The following MITF variants were observed in gnomAD, a reference collection of about 807,000 sequenced individuals.
MITF encodes the protein microphthalmia-associated transcription factor.
MITF carries 17 observed loss-of-function variants against 60.5 expected under a neutral mutation model. The ratio of observed to expected loss-of-function variants is 0.28; its 90% confidence interval spans 0.19 to 0.42. MITF has a LOEUF of 0.42. Among genes scored for constraint, MITF ranks in the 10% least tolerant of loss-of-function variants. MITF has a pLI of 1.00. For synonymous variants in MITF, 260 were observed against 248.5 expected (o/e 1.05, Z -0.43); for missense variants, 622 against 683.5 (o/e 0.91, Z 1.00).
intron 1 of MITF, among the ~76,000 whole-genome samples, chr3:69,866,001 C>G (rs559917482): frequency 1.3e-5 from 2 of 152,318 alleles, no homozygotes; most frequent in South Asian, 4.1e-4. Flanking sequence ...ATAAGCTTCC[C>G]GAGGTGCTTG....
At chr3:69,884,558 G>A (rs1368573131) in intron 2 of MITF, among the ~76,000 whole-genome samples, 1 of 152,094 alleles carries the variant, frequency 6.6e-6, no homozygotes, top group African/African-American at 2.4e-5. Context: ...AGCTTGCACG[G>A]CACTGAGTGG....
intron 1 of MITF, among the ~76,000 whole-genome samples, chr3:69,845,438 C>CTTTTTTTTTTTTTTTT (rs202135701): frequency 3.8e-4 from 51 of 133,652 alleles, no homozygotes; most frequent in Non-Finnish European, 6.0e-4. Flanking sequence ...TTTCTTTTTT[C>CTTTTTTTTTTTTTTTT]TTTCTTTTTT....
chr3:69,857,080 T>G (rs62253176), intron 1 of MITF, among the ~76,000 whole-genome samples: 20,992 of 152,092 alleles, frequency 0.14, 1,605 homozygotes, highest in South Asian at 0.18. Context: ...TGGAATTGTA[T>G]GTGGTGAAAG....
At chr3:69,874,456 G>C (rs1290079411) in intron 1 of MITF, among the ~76,000 whole-genome samples, 1 of 152,114 alleles carries the variant, frequency 6.6e-6, no homozygotes, top group East Asian at 1.9e-4. Flanking sequence ...CAGTTTATTG[G>C]ACCATGTTTC....
At chr3:69,862,369 A>G (rs1249119340) in intron 1 of MITF, among the ~76,000 whole-genome samples, 1 of 152,194 alleles carries the variant, frequency 6.6e-6, no homozygotes, top group Non-Finnish European at 1.5e-5. Context: ...TGTGTAGTTC[A>G]TGGGCCAACA....
intron 2 of MITF, among the ~76,000 whole-genome samples, chr3:69,899,073 A>G (rs2064940306): frequency 6.6e-6 from 1 of 152,206 alleles, no homozygotes; most frequent in East Asian, 1.9e-4. Context: ...AAAGTTTTGT[A>G]GGAATATGTA....
At chr3:69,843,094 CA>C (rs552975735) in intron 1 of MITF, among the ~76,000 whole-genome samples, 1 of 152,162 alleles carries the variant, frequency 6.6e-6, no homozygotes, top group African/African-American at 2.4e-5. Context: ...AGGTCCTTGC[CA>C]GGGACTATAA....
In MITF at chr3:69,905,176, C is replaced by A. The variant is rs573377616; in HGVS notation, c.354+25793C>A. 2.0e-4 allele frequency among the ~76,000 whole-genome samples: 31 copies of A among 152,174 alleles called. 1 individual carries two copies. In the South Asian group the frequency reaches 6.4e-3, roughly 32 times the overall value. ...GCAACCACTGATTTGATTTGTGTCA[C>A]TATAGATGAGTTTGTAATTTCCAGA... On this transcript the variant is annotated intron_variant, in intron 2 of 9. Transcript: ENST00000352241.
At chr3:69,800,728 C>G (rs1188285981) in intron 1 of MITF, among the ~76,000 whole-genome samples, 4 of 152,040 alleles carry the variant, frequency 2.6e-5, no homozygotes, top group African/African-American at 9.7e-5. Flanking sequence ...AGTTCCTCCC[C>G]CCTTTTCATT....
intron 1 of MITF, among the ~76,000 whole-genome samples, chr3:69,815,283 C>T (rs2063164211): frequency 6.6e-6 from 1 of 152,088 alleles, no homozygotes. Context: ...TAACCGTTTC[C>T]TGCTCACATT....
At chr3:69,951,112 T>TTTTTG (rs1559744504) in intron 6 of MITF, among the ~76,000 whole-genome samples, 2 of 150,036 alleles carry the variant, frequency 1.3e-5, no homozygotes, top group Non-Finnish European at 3.0e-5. Context: ...TTTTTTTTTT[T>TTTTTG]TTTGAGACAG....
chr3:69,754,492 C>T (rs1450350362), intron 1 of MITF, among the ~76,000 whole-genome samples: 3 of 152,148 alleles, frequency 2.0e-5, no homozygotes, highest in African/African-American at 7.2e-5. Flanking sequence ...CTGCTTCCAC[C>T]ATGTGAGATG....
intron 1 of MITF, among the ~76,000 whole-genome samples, chr3:69,771,042 T>C (rs566534923): frequency 6.6e-6 from 1 of 152,336 alleles, no homozygotes; most frequent in East Asian, 1.9e-4. Context: ...GCTTCTCTCA[T>C]GTGTGACTGT....
chr3:69,827,057 G>C (rs531687707), intron 1 of MITF, among the ~76,000 whole-genome samples: 1 of 152,152 alleles, frequency 6.6e-6, no homozygotes, highest in South Asian at 2.1e-4. Flanking sequence ...TGTTGTATTA[G>C]CCTACATCCT....
At chr3:69,928,371 C>A (rs370739316) in intron 2 of MITF, among the ~76,000 whole-genome samples, 1 of 152,154 alleles carries the variant, frequency 6.6e-6, no homozygotes, top group Non-Finnish European at 1.5e-5. Flanking sequence ...AACACACTTG[C>A]GCCACCATCA....
At chr3:69,794,820 T>G (rs6777363) in intron 1 of MITF, among the ~76,000 whole-genome samples, 50,859 of 152,062 alleles carry the variant, frequency 0.33, 9,430 homozygotes, top group Non-Finnish European at 0.42. Context: ...CTGACTTAGT[T>G]TTGTCTATTC....
chr3:69,825,373 G>T (rs1196673384), intron 1 of MITF, among the ~76,000 whole-genome samples: 2 of 152,190 alleles, frequency 1.3e-5, no homozygotes, highest in Non-Finnish European at 2.9e-5. Context: ...AATGGAGGAA[G>T]AGAATAGTGG....
intron 1 of MITF, among the ~76,000 whole-genome samples, chr3:69,774,499 T>A (rs577303945): frequency 1.3e-5 from 2 of 152,290 alleles, no homozygotes; most frequent in South Asian, 4.2e-4. Context: ...TCTTACCTTG[T>A]CTTCAGGCCT....
At chr3:69,941,095 G>A (rs2065957895) in intron 4 of MITF, 141 bp from the exon 5 acceptor site, 2 of 620,100 alleles carry the variant, frequency 3.2e-6, no homozygotes, top group South Asian at 3.9e-5. Context: ...TACTATTTTA[G>A]TGGAAAGAGG....
Sources: gnomAD v4.1 joint callset for allele counts (sites outside exome capture counted in the v4.1 genomes callset) on GRCh38, gnomAD v4.1.1 for gene constraint, MANE v1.5 for transcripts, NCBI Gene and HGNC (gene_info 2026-07-23, HGNC 2026-07-21) for gene names.